The following COBL variants were observed in gnomAD, a reference collection of about 807,000 sequenced individuals.
COBL encodes the protein cordon-bleu WH2 repeat protein, also known as protein cordon-bleu.
COBL carries 51 observed loss-of-function variants against 98.8 expected under a neutral mutation model. That is an observed-to-expected ratio of 0.52 (90% CI 0.41 to 0.65). The LOEUF is 0.65. Ranked by LOEUF, COBL falls within the 30% of genes least tolerant of loss-of-function variation. The pLI is 0.00. For missense variants in COBL, 1,617 were observed against 1,617.5 expected (o/e 1.00, Z 0.01); for synonymous variants, 634 against 651.7 (o/e 0.97, Z 0.41).
chr7:51,144,452 G>C (rs1371193714), intron 5 of COBL, among the ~76,000 whole-genome samples: 1 of 152,136 alleles, frequency 6.6e-6, no homozygotes, highest in Non-Finnish European at 1.5e-5. Context: ...ACACACCCAG[G>C]CTGCACACCA....
intron 11 of COBL, 139 bp downstream of exon 11, chr7:51,026,407 G>A (rs1469206279): frequency 8.5e-7 from 1 of 1,173,642 alleles, no homozygotes; most frequent in African/African-American, 1.5e-5. Flanking sequence ...CACACAGGCT[G>A]GGATGGCCAC....
At chr7:51,027,052 T>C (rs1337339462) in intron 10 of COBL, among the ~76,000 whole-genome samples, 1 of 152,258 alleles carries the variant, frequency 6.6e-6, no homozygotes, top group Non-Finnish European at 1.5e-5. Context: ...CATCCCAGTG[T>C]TCCAGAGCCG....
At chr7:51,311,196 G>A (rs1283215514) in intron 1 of COBL, among the ~76,000 whole-genome samples, 2 of 152,166 alleles carry the variant, frequency 1.3e-5, no homozygotes, top group Admixed American at 6.5e-5. Context: ...TTAGCTGGGG[G>A]ATTACTCTAA....
intron 1 of COBL, among the ~76,000 whole-genome samples, chr7:51,275,642 C>T (rs1373129195): frequency 6.6e-6 from 1 of 152,088 alleles, no homozygotes; most frequent in Non-Finnish European, 1.5e-5. Context: ...CAGCCACCAC[C>T]AGCCGCCACC....
chr7:51,062,327 A>C (rs1421306358), intron 7 of COBL, among the ~76,000 whole-genome samples: 1 of 152,042 alleles, frequency 6.6e-6, no homozygotes, highest in Non-Finnish European at 1.5e-5. Flanking sequence ...CAGGAGATAC[A>C]TCCAAGGAAA....
At chr7:51,175,209 T>G (rs2129046303) in intron 5 of COBL, among the ~76,000 whole-genome samples, 1 of 152,366 alleles carries the variant, frequency 6.6e-6, no homozygotes, top group Non-Finnish European at 1.5e-5. Context: ...ATTGGCAGTT[T>G]TGCACTGCTG....
intron 5 of COBL, among the ~76,000 whole-genome samples, chr7:51,182,602 T>A (rs1027143697): frequency 1.3e-5 from 2 of 150,320 alleles, no homozygotes; most frequent in Non-Finnish European, 3.0e-5. Flanking sequence ...GCTTCTGTGA[T>A]TTCAAGTAAT....
intron 6 of COBL, among the ~76,000 whole-genome samples, chr7:51,112,320 T>C (rs1047778385): frequency 1.3e-5 from 2 of 152,194 alleles, no homozygotes; most frequent in Non-Finnish European, 2.9e-5. Flanking sequence ...TTTTTTGCCC[T>C]AAAGAAACAT....
chr7:51,032,215 C>T (rs762428039), intron 8 of COBL: 3 of 152,138 alleles, frequency 2.0e-5, no homozygotes, highest in Non-Finnish European at 4.4e-5. Flanking sequence ...TAATGTGGCC[C>T]CTGTGGCACG....
At position 51,242,103 on chromosome 7, in the gene COBL, G is replaced by A. The variant is rs565900415; in HGVS notation, c.42-22159C>T. Among the ~76,000 whole-genome samples the A allele has an allele frequency of 6.6e-5, 10 of 152,282 alleles. No individual in the cohort carries two copies. The South Asian group carries it at 1.9e-3, about 28-fold the overall frequency. On this transcript the variant is annotated intron_variant, in intron 1 of 12. Transcript: ENST00000265136. ...TTCATTTGCGTAAGAGTATAACTTTGTAACTTCACTTCAGCTTCTGATTGG... is the reference window on the plus strand; with the variant it reads ...TTCATTTGCGTAAGAGTATAACTTTATAACTTCACTTCAGCTTCTGATTGG...
intron 1 of COBL, among the ~76,000 whole-genome samples, chr7:51,238,461 T>C (rs1795476064): frequency 2.0e-5 from 3 of 152,108 alleles, no homozygotes; most frequent in African/African-American, 7.2e-5. Flanking sequence ...CTCTCTTCAG[T>C]TGCAGCAACA....
chr7:51,290,681 T>G lies in COBL; in HGVS notation c.41+25912A>C, dbSNP rs1042460130. Among the ~76,000 whole-genome samples the G allele has an allele frequency of 7.2e-5, 11 of 152,176 alleles. No individual in the cohort carries two copies. In the East Asian group the frequency reaches 2.1e-3, roughly 29 times the overall value. Reference sequence around the variant, plus strand: ...CCCACACAACCTCAGCCTCGGCCCCTCCTTGTGAGTTTCAGGAAGATTAAA... The same window carrying G: ...CCCACACAACCTCAGCCTCGGCCCCGCCTTGTGAGTTTCAGGAAGATTAAA... On this transcript the variant is annotated intron_variant, in intron 1 of 12. Coordinates refer to ENST00000265136, the MANE Select transcript of COBL (RefSeq NM_015198.5).
At chr7:51,027,371 T>C (rs1787677549) in intron 10 of COBL, among the ~76,000 whole-genome samples, 1 of 152,204 alleles carries the variant, frequency 6.6e-6, no homozygotes, top group East Asian at 1.9e-4. Flanking sequence ...TCTGTTCCAT[T>C]GTTCAAGGAT....
chr7:51,152,863 A>C (rs1260770518), intron 5 of COBL, among the ~76,000 whole-genome samples: 1 of 152,162 alleles, frequency 6.6e-6, no homozygotes, highest in Non-Finnish European at 1.5e-5. Flanking sequence ...CCTGAATGGG[A>C]ATGCTCCAAC....
chr7:51,196,261 GGTGT>G (rs1363972495), intron 2 of COBL, among the ~76,000 whole-genome samples: 1 of 152,030 alleles, frequency 6.6e-6, no homozygotes, highest in African/African-American at 2.4e-5. Flanking sequence ...ATAATCATGT[GGTGT>G]TTGTCTTTTG....
At chr7:51,118,638 G>T (rs1408672839) in intron 6 of COBL, among the ~76,000 whole-genome samples, 1 of 151,816 alleles carries the variant, frequency 6.6e-6, no homozygotes, top group African/African-American at 2.4e-5. Context: ...AGAGGGGGAG[G>T]GGTGTCACAT....
intron 1 of COBL, among the ~76,000 whole-genome samples, chr7:51,235,592 C>T (rs970613887): frequency 2.0e-5 from 3 of 152,170 alleles, no homozygotes; most frequent in African/African-American, 7.2e-5. Flanking sequence ...AGCCAAGCAC[C>T]GGAAACAGCC....
chr7:51,072,529 C>G (rs1215503527), intron 7 of COBL: 1 of 152,128 alleles, frequency 6.6e-6, no homozygotes, highest in African/African-American at 2.4e-5. Flanking sequence ...TTTTCATGTG[C>G]CTGGGGAGCC....
At chr7:51,119,984 C>G (rs1797607341) in intron 6 of COBL, among the ~76,000 whole-genome samples, 1 of 152,148 alleles carries the variant, frequency 6.6e-6, no homozygotes, top group Non-Finnish European at 1.5e-5. Flanking sequence ...ACCAGTAGAT[C>G]TCATTAAATA....
Sources: allele counts gnomAD v4.1 joint callset (sites outside exome capture counted in the v4.1 genomes callset), GRCh38; gene constraint gnomAD v4.1.1; transcripts MANE v1.5; gene names NCBI Gene and HGNC (gene_info 2026-07-23, HGNC 2026-07-21).